The following LYST variants were observed in gnomAD, a reference collection of about 807,000 sequenced individuals.
The protein encoded by LYST is lysosomal trafficking regulator, also known as lysosomal-trafficking regulator.
A neutral mutation model predicts 413.6 loss-of-function variants in LYST; 192 were observed. The observed-to-expected ratio is 0.46, with a 90% CI of 0.41 to 0.52. LYST has a LOEUF of 0.52. Among genes scored for constraint, LYST ranks in the 20% least tolerant of loss-of-function variants. The pLI, the probability that LYST is intolerant of heterozygous loss-of-function variation, is 0.00. For missense variants in LYST, 3,815 were observed against 4,499.9 expected (o/e 0.85, Z 4.35); for synonymous variants, 1,525 against 1,567.3 (o/e 0.97, Z 0.64).
intron 1 of LYST, among the ~76,000 whole-genome samples, chr1:235,865,199 G>A (rs1056566258): frequency 1.6e-4 from 24 of 152,138 alleles, no homozygotes; most frequent in Non-Finnish European, 2.2e-4. Context: ...CCCTCAGAGA[G>A]GTACATGGAT....
chr1:235,831,676 G>A (rs1234523985), intron 2 of LYST, among the ~76,000 whole-genome samples: 1 of 152,002 alleles, frequency 6.6e-6, no homozygotes, highest in Admixed American at 6.6e-5. Context: ...CTCTCTTTTA[G>A]TATAACAAAC....
chr1:235,823,904 G>GA (rs1675052928), intron 3 of LYST, among the ~76,000 whole-genome samples: 1 of 152,202 alleles, frequency 6.6e-6, no homozygotes, highest in Admixed American at 6.5e-5. Context: ...TCCTGGTAAA[G>GA]ACAGTCGCTG....
At chr1:235,700,797 A>C (rs928191771) in intron 45 of LYST, among the ~76,000 whole-genome samples, 1 of 152,246 alleles carries the variant, frequency 6.6e-6, no homozygotes, top group Non-Finnish European at 1.5e-5. Context: ...TGTCTATTAT[A>C]TGCCCAGGAC....
intron 13 of LYST, 56 bp from the exon 14 acceptor site, chr1:235,787,429 T>C: frequency 8.5e-6 from 11 of 1,300,802 alleles, no homozygotes; most frequent in Non-Finnish European, 1.2e-5. Context: ...GACCTCAGTG[T>C]TTAACATACA....
chr1:235,813,200 T>A, intron 3 of LYST, 139 bp from the exon 4 acceptor site: 1 of 680,378 alleles, frequency 1.5e-6, no homozygotes, highest in Non-Finnish European at 2.7e-6. Flanking sequence ...AATTAACCTA[T>A]CTTCAATCCA....
chr1:235,858,886 G>A (rs963963164), intron 1 of LYST, among the ~76,000 whole-genome samples: 12 of 152,156 alleles, frequency 7.9e-5, no homozygotes, highest in Admixed American at 6.5e-4. Context: ...GAGCAGGCAG[G>A]CTGCTGGAGA....
intron 2 of LYST, among the ~76,000 whole-genome samples, chr1:235,831,262 C>G (rs978962805): frequency 5.3e-5 from 8 of 152,208 alleles, no homozygotes; most frequent in African/African-American, 1.9e-4. Flanking sequence ...GCTGAGAGGG[C>G]AGTGCACATA....
chr1:235,680,429 A>ATT (rs111680478), intron 48 of LYST, among the ~76,000 whole-genome samples: 6 of 145,898 alleles, frequency 4.1e-5, no homozygotes, highest in Non-Finnish European at 9.1e-5. Flanking sequence ...TACTTTTTAA[A>ATT]TTTTTTTTTT....
chr1:235,730,599 GTGTGTGTGTGTGTGTATA>G (rs1406031433), intron 36 of LYST, among the ~76,000 whole-genome samples: 5 of 77,516 alleles, frequency 6.5e-5, no homozygotes, highest in Non-Finnish European at 1.4e-4. Context: ...GTGTGTGTGT[GTGTGTGTGTGTGTGTATA>G]TGTAAACTAA....
In LYST at chr1:235,775,042, C is replaced by T; in HGVS notation, c.5505G>A (p.Leu1835=). 6.2e-7 allele frequency: 1 copy of T among 1,611,836 alleles called. No homozygotes were observed. The highest frequency in any genetic ancestry group is 8.5e-7 in the Non-Finnish European group (1 of 1,179,354). The part of the protein sequence containing the change: ...SSCEETQALA[L]RVILSLIKYN... ...ATTTAATTAATGAGAGTATAACTCG[C>T]AGTGCTAATGCTTGAGTTTCTTCAC... The change falls in exon 18 of 53, where the codon CTG becomes CTA. Residue 1835 remains leucine, a synonymous_variant. Coordinates refer to ENST00000389793, the MANE Select transcript of LYST (RefSeq NM_000081.4).
At chr1:235,801,226 C>A (rs1672181445) in intron 8 of LYST, 129 bp from the exon 9 acceptor site, 3 of 681,064 alleles carry the variant, frequency 4.4e-6, no homozygotes, top group Non-Finnish European at 5.2e-6. Context: ...CTTTTCCAAT[C>A]TTTTCCTATA....
At chr1:235,770,369 A>T in intron 19 of LYST, 72 bp from the exon 20 acceptor site, 1 of 1,264,154 alleles carries the variant, frequency 7.9e-7, no homozygotes, top group East Asian at 2.3e-5. Context: ...TGGAAGACAC[A>T]CAACGCGCAA....
At chr1:235,738,129 T>G (rs866721745) in intron 31 of LYST, 9 of 1,608,092 alleles carry the variant, frequency 5.6e-6, no homozygotes, top group Non-Finnish European at 6.8e-6. Context: ...AATGAAGGAC[T>G]TGGCAGGCGA....
chr1:235,838,208 T>C (rs752759775), intron 1 of LYST, among the ~76,000 whole-genome samples: 42 of 152,168 alleles, frequency 2.8e-4, no homozygotes, highest in Non-Finnish European at 5.6e-4. Context: ...GGTGTTAAAC[T>C]GATGAGTGTA....
intron 48 of LYST, among the ~76,000 whole-genome samples, chr1:235,681,827 A>AT (rs199844506): frequency 2.7e-5 from 4 of 150,124 alleles, no homozygotes; most frequent in African/African-American, 4.9e-5. Flanking sequence ...TTCTTTCCTC[A>AT]TTTTTTTTCT....
intron 1 of LYST, among the ~76,000 whole-genome samples, chr1:235,863,962 A>T (rs894913279): frequency 6.6e-6 from 1 of 152,182 alleles, no homozygotes; most frequent in Non-Finnish European, 1.5e-5. Flanking sequence ...TGGATATCTA[A>T]TCATCCTAAA....
intron 1 of LYST, among the ~76,000 whole-genome samples, chr1:235,849,642 C>A (rs149693430): frequency 6.6e-6 from 1 of 151,858 alleles, no homozygotes; most frequent in Non-Finnish European, 1.5e-5. Flanking sequence ...AGAAAGCTCA[C>A]GGAACTGATA....
rs775079780 is a variant in LYST at position 235,808,976 on chromosome 1, G to A, written c.1842C>T (p.Ile614=). 20 of 1,614,022 alleles carry A rather than the reference G, an allele frequency of 1.2e-5. No individual in the cohort carries two copies. The East Asian group carries it at 4.5e-4, about 36-fold the overall frequency. The change falls in exon 5 of 53, where the codon ATC becomes ATT. Residue 614 remains isoleucine, a synonymous_variant. Coordinates refer to ENST00000389793, the MANE Select transcript of LYST (RefSeq NM_000081.4). ...LKNFQQHILN[I]LNKLILDQLG... ...ACTGATCCAAAATAAGTTTGTTAAG[G>A]ATATTCAATATATGCTGCTGAAAAT...
chr1:235,810,108 A>G lies in LYST; in HGVS notation c.710T>C (p.Ile237Thr), dbSNP rs2102889171. Residue 237 changes from isoleucine (I) to threonine (T), a missense_variant, in exon 5 of 53, where the codon ATT (isoleucine) becomes ACT (threonine). Physicochemically the swap from Ile to Thr is moderately conservative, Grantham distance 89. Transcript: ENST00000389793. ...AGACAAGGCAGCTGGCTCACTTAAAATGTCAGTGTTTGACCCCTGTCTTGG... is the reference window on the plus strand; with the variant it reads ...AGACAAGGCAGCTGGCTCACTTAAAGTGTCAGTGTTTGACCCCTGTCTTGG... ...IIPRQGSNTD[I>T]LSEPAALSVI... 6.2e-7 allele frequency: 1 copy of G among 1,614,168 alleles called. No homozygotes were observed. Among genetic ancestry groups the G allele is most frequent in the African/African-American group, 1.3e-5 (1 of 75,066 alleles).
Sources: gnomAD v4.1 joint callset for allele counts (sites outside exome capture counted in the v4.1 genomes callset) on GRCh38, gnomAD v4.1.1 for gene constraint, MANE v1.5 for transcripts, NCBI Gene and HGNC (gene_info 2026-07-23, HGNC 2026-07-21) for gene names.